CHN2: variants seen among roughly 807,000 people sequenced by gnomAD.
CHN2 encodes the protein beta-chimaerin.
A neutral mutation model predicts 56.3 loss-of-function variants in CHN2; 35 were observed. The observed-to-expected ratio is 0.62, with a 90% CI of 0.47 to 0.82. CHN2 has a LOEUF of 0.82. Ranked by LOEUF, CHN2 falls within the 40% of genes least tolerant of loss-of-function variation. The pLI is 0.00. For synonymous variants in CHN2, 210 were observed against 212.8 expected, an observed-to-expected ratio of 0.99 and a Z score of 0.12; for missense variants, 491 against 580.5, an observed-to-expected ratio of 0.85 and a Z score of 1.58.
intron 6 of CHN2, among the ~76,000 whole-genome samples, chr7:29,471,756 C>A (rs933361624): frequency 2.6e-5 from 4 of 152,096 alleles, no homozygotes; most frequent in African/African-American, 9.7e-5. Flanking sequence ...TGGAGGTCAG[C>A]AGCAGTTTTA....
At chr7:29,167,230 ATATTAATTTTAACTTTTTTAGACCT>A (rs1796031639) in intron 2 of CHN2, among the ~76,000 whole-genome samples, 2 of 152,218 alleles carry the variant, frequency 1.3e-5, no homozygotes, top group Admixed American at 6.5e-5. Flanking sequence ...CTAAAATAAT[ATATTAATTTTAACTTTTTTAGACCT>A]TTGTCAAATA....
intron 1 of CHN2, among the ~76,000 whole-genome samples, chr7:29,262,637 T>TA (rs1789654590): frequency 1.3e-5 from 2 of 152,218 alleles, no homozygotes; most frequent in African/African-American, 2.4e-5. Flanking sequence ...CCTTCCTTAC[T>TA]AAAAAGAAAC....
At chr7:29,195,995 T>A (rs1445833665) in intron 1 of CHN2, among the ~76,000 whole-genome samples, 1 of 152,132 alleles carries the variant, frequency 6.6e-6, no homozygotes, top group Non-Finnish European at 1.5e-5. Flanking sequence ...TATACAGTAT[T>A]TAAGGGTCAA....
intron 2 of CHN2, among the ~76,000 whole-genome samples, chr7:29,357,277 T>C (rs1585149044): frequency 6.6e-6 from 1 of 152,364 alleles, no homozygotes; most frequent in African/African-American, 2.4e-5. Flanking sequence ...CAGGCTCTAT[T>C]TGAGAGCATC....
At chr7:29,281,770 G>A (rs1234691224) in intron 1 of CHN2, among the ~76,000 whole-genome samples, 1 of 152,200 alleles carries the variant, frequency 6.6e-6, no homozygotes, top group African/African-American at 2.4e-5. Flanking sequence ...GCCCCGTCAA[G>A]CCATTTTCCC....
chr7:29,205,617 G>T (rs1784459971), intron 1 of CHN2, among the ~76,000 whole-genome samples: 1 of 152,210 alleles, frequency 6.6e-6, no homozygotes, highest in East Asian at 1.9e-4. Context: ...AACTGGAAAA[G>T]TTTCTCCTAA....
At chr7:29,316,010 G>A (rs1200382668) in intron 1 of CHN2, among the ~76,000 whole-genome samples, 1 of 152,118 alleles carries the variant, frequency 6.6e-6, no homozygotes, top group African/African-American at 2.4e-5. Flanking sequence ...GGGTATGAGG[G>A]AAACTGAAAT....
Position 29,406,557 on chromosome 7 carries a change from C to G in CHN2, c.576+5729C>G, listed in dbSNP as rs78787297. On this transcript the variant is annotated intron_variant, in intron 6 of 12. Coordinates refer to ENST00000222792, the MANE Select transcript of CHN2 (RefSeq NM_004067.4). Reference sequence around the variant, plus strand: ...AATAGAACCTGCCACACTCAGCCTCCCCTCCCCTCCCCGCCCTGGCATGCT... The same window carrying G: ...AATAGAACCTGCCACACTCAGCCTCGCCTCCCCTCCCCGCCCTGGCATGCT... 6.4e-3 allele frequency among the ~76,000 whole-genome samples: 969 copies of G among 152,166 alleles called. 11 individuals carry two copies. Among genetic ancestry groups the G allele is most frequent in the Non-Finnish European group, 9.8e-3 (665 of 67,984 alleles).
At chr7:29,500,109 A>T in intron 9 of CHN2, 69 bp downstream of exon 9, 5 of 1,257,548 alleles carry the variant, frequency 4.0e-6, no homozygotes, top group Non-Finnish European at 5.3e-6. Context: ...TACTGTTGTC[A>T]AGGAAACAGA....
At chr7:29,332,355 T>C (rs573181606) in intron 1 of CHN2, among the ~76,000 whole-genome samples, 9 of 152,326 alleles carry the variant, frequency 5.9e-5, no homozygotes, top group African/African-American at 2.2e-4. Context: ...AACAGAGCAC[T>C]CTAAATACAG....
chr7:29,211,846 G>A (rs39053), intron 1 of CHN2, among the ~76,000 whole-genome samples: 127,381 of 152,018 alleles, frequency 0.84, 53,983 homozygotes, highest in African/African-American at 0.96. Flanking sequence ...TAAAAGTTTC[G>A]TCTTTCCCTA....
chr7:29,204,065 C>CTGTG (rs755525736), intron 1 of CHN2, among the ~76,000 whole-genome samples: 337 of 135,978 alleles, frequency 2.5e-3, no homozygotes, highest in Admixed American at 5.6e-3. Context: ...TTTTCTCTCT[C>CTGTG]TCTGTGTGTG....
intron 1 of CHN2, among the ~76,000 whole-genome samples, chr7:29,309,955 GGCAGGAC>G (rs1794461562): frequency 6.6e-6 from 1 of 152,198 alleles, no homozygotes; most frequent in East Asian, 1.9e-4. Context: ...GCACTGGCCA[GGCAGGAC>G]TCCCTGCCTC....
intron 2 of CHN2, among the ~76,000 whole-genome samples, chr7:29,162,342 C>T (rs1340415430): frequency 2.0e-5 from 3 of 152,114 alleles, no homozygotes; most frequent in African/African-American, 7.2e-5. Context: ...ACTACTGATA[C>T]ATGAAACAGC....
Position 29,380,286 on chromosome 7 carries a change from CA to C in CHN2, c.144+12309del, listed in dbSNP as rs11373361. Reference sequence around the variant, plus strand: ...TAAAGTGGAGAAATTTGGTTCTTACCAAAAAAAAAACCCTTACTATTTATAT... The same window carrying C: ...TAAAGTGGAGAAATTTGGTTCTTACCAAAAAAAAACCCTTACTATTTATAT... On this transcript the variant is annotated intron_variant, in intron 3 of 12. Coordinates refer to ENST00000222792, the MANE Select transcript of CHN2 (RefSeq NM_004067.4). 5.2e-4 allele frequency among the ~76,000 whole-genome samples: 77 copies of C among 147,870 alleles called. 1 individual carries two copies. Among genetic ancestry groups the C allele is most frequent in the East Asian group, 1.8e-3 (9 of 5,036 alleles).
intron 2 of CHN2, among the ~76,000 whole-genome samples, chr7:29,150,319 T>G (rs1793414424): frequency 6.6e-6 from 1 of 152,216 alleles, no homozygotes; most frequent in South Asian, 2.1e-4. Flanking sequence ...AGAAATAAGA[T>G]AGTAGTACAT....
chr7:29,473,482 T>TTTTTTTTTG (rs539151442), intron 6 of CHN2, among the ~76,000 whole-genome samples: 12 of 118,164 alleles, frequency 1.0e-4, no homozygotes, highest in African/African-American at 2.0e-4. Flanking sequence ...TTTTTTTTTT[T>TTTTTTTTTG]TGTGTGTGTG....
intron 1 of CHN2, among the ~76,000 whole-genome samples, chr7:29,227,422 T>C (rs1245855171): frequency 1.3e-5 from 2 of 152,192 alleles, no homozygotes; most frequent in African/African-American, 4.8e-5. Context: ...CTAGAACTAC[T>C]CCTTCTCATG....
At chr7:29,147,108 G>A (rs1310068521) in intron 2 of CHN2, 1 of 1,080,892 alleles carries the variant, frequency 9.3e-7, no homozygotes, top group Non-Finnish European at 1.3e-6. Context: ...AACCCATCCA[G>A]GGTCACATTG....
Sources: allele counts gnomAD v4.1 joint callset (sites outside exome capture counted in the v4.1 genomes callset), GRCh38; gene constraint gnomAD v4.1.1; transcripts MANE v1.5; gene names NCBI Gene and HGNC (gene_info 2026-07-23, HGNC 2026-07-21).